EDN1: variants seen among roughly 807,000 people sequenced by gnomAD.
The protein encoded by EDN1 is endothelin 1.
EDN1 carries 11 observed loss-of-function variants against 21.7 expected under a neutral mutation model. That is an observed-to-expected ratio of 0.51 (90% CI 0.32 to 0.84). EDN1 has a LOEUF of 0.84. EDN1 is among the 40% of genes least tolerant of loss of function. The probability of loss-of-function intolerance (pLI) is 0.03; values close to 1 mark genes in which losing one functional copy is unlikely to be tolerated. For synonymous variants in EDN1, 85 were observed against 90.6 expected, an observed-to-expected ratio of 0.94 and a Z score of 0.35; for missense variants, 244 against 262.3, an observed-to-expected ratio of 0.93 and a Z score of 0.48.
chr6:12,293,566 T>G (rs976946060), intron 2 of EDN1, among the ~76,000 whole-genome samples: 11 of 152,346 alleles, frequency 7.2e-5, no homozygotes, highest in African/African-American at 2.2e-4. Context: ...CTCTTCCCAC[T>G]GTGTACCCAC....
At chr6:12,240,452 G>A in the EDN1 span, among the ~76,000 whole-genome samples, 1 of 152,204 alleles carries the variant, frequency 6.6e-6, no homozygotes, top group Non-Finnish European at 1.5e-5. Flanking sequence ...ATTTTTCTGA[G>A]TGGGAGAAAT....
the EDN1 span, among the ~76,000 whole-genome samples, chr6:12,262,225 G>T: frequency 3.9e-5 from 6 of 152,306 alleles, no homozygotes; most frequent in East Asian, 1.2e-3. Context: ...AGATGGATTT[G>T]GAATTATCTG....
At chr6:12,273,307 C>T in the EDN1 span, among the ~76,000 whole-genome samples, 69,327 of 151,932 alleles carry the variant, frequency 0.46, 17,248 homozygotes, top group Non-Finnish European at 0.56. Context: ...TTCATGGAAC[C>T]GCAGGTAGGT....
the EDN1 span, among the ~76,000 whole-genome samples, chr6:12,249,593 C>T: frequency 3.3e-5 from 5 of 151,160 alleles, no homozygotes; most frequent in African/African-American, 1.2e-4. Flanking sequence ...CTGAGCCCAG[C>T]AACACAGCTC....
At chr6:12,257,202 A>C in the EDN1 span, among the ~76,000 whole-genome samples, 1 of 152,232 alleles carries the variant, frequency 6.6e-6, no homozygotes, top group Non-Finnish European at 1.5e-5. Flanking sequence ...ATGCAAACTG[A>C]CAATTGAAGC....
At chr6:12,292,242 G>T in intron 1 of EDN1, 99 bp from the exon 2 acceptor site, 1 of 1,545,118 alleles carries the variant, frequency 6.5e-7, no homozygotes, top group Non-Finnish European at 8.9e-7. Context: ...TGCTTCATCT[G>T]CTTTTATCTG....
In EDN1 at chr6:12,292,436, T is replaced by C. The variant is rs1284924294; in HGVS notation, c.160T>C (p.Ser54Pro). The stretch of plus-strand genomic sequence containing the variant: ...GCGGCTCCGCCGGTCCAAGCGCTGC[T>C]CCTGCTCGTCCCTGATGGATAAAGA... ...PWRLRRSKRC[S>P]CSSLMDKECV... Residue 54 changes from serine to proline, a missense_variant, in exon 2 of 5, where the codon TCC becomes CCC. Coordinates refer to ENST00000379375, the MANE Select transcript of EDN1 (RefSeq NM_001955.5). The C allele has an allele frequency of 6.2e-7, 1 of 1,614,226 alleles. No individual in the cohort carries two copies. The highest frequency in any genetic ancestry group is 8.5e-7 in the Non-Finnish European group (1 of 1,180,044).
chr6:12,281,858 T>C, the EDN1 span, among the ~76,000 whole-genome samples: 1 of 152,200 alleles, frequency 6.6e-6, no homozygotes, highest in Non-Finnish European at 1.5e-5. Context: ...GAGAATTTAT[T>C]ACTTATTGAT....
At chr6:12,283,627 T>C in the EDN1 span, among the ~76,000 whole-genome samples, 6 of 152,228 alleles carry the variant, frequency 3.9e-5, no homozygotes, top group Non-Finnish European at 8.8e-5. Context: ...CTTCCTTTCC[T>C]TTTAGGGACT....
chr6:12,276,279 A>AT, the EDN1 span, among the ~76,000 whole-genome samples: 1 of 151,790 alleles, frequency 6.6e-6, no homozygotes. Context: ...TCCAGATGGC[A>AT]TTTTCCAGTA....
the EDN1 span, among the ~76,000 whole-genome samples, chr6:12,235,090 T>C: frequency 6.6e-6 from 1 of 152,196 alleles, no homozygotes; most frequent in Admixed American, 6.5e-5. Context: ...AAGGGAGATC[T>C]CGCCCCTGGT....
rs1268527809 is a variant in EDN1 at position 12,292,769 on chromosome 6, G to C, written c.233+260G>C. ...CAGGAGGCCACTGCACGTTTCAAAT[G>C]AGGAACTTTCAGTGAGAGGGCCTCA... On this transcript the variant is annotated intron_variant, in intron 2 of 4. Coordinates refer to ENST00000379375, the MANE Select transcript of EDN1 (RefSeq NM_001955.5). Among the ~76,000 whole-genome samples, 3 of 152,170 alleles carry C rather than the reference G, an allele frequency of 2.0e-5. No individual in the cohort carries two copies. In the East Asian group the frequency reaches 5.8e-4, roughly 29 times the overall value.
At position 12,293,799 on chromosome 6, in the gene EDN1, G is replaced by A; in HGVS notation, c.234-142G>A. 2 of 919,104 alleles carry A rather than the reference G, an allele frequency of 2.2e-6. 1 individual carries two copies. The highest frequency in any genetic ancestry group is 3.1e-5 in the South Asian group (2 of 63,652). The allele number at this position is 919,104 out of a possible 1,614,324, so 56.9% of individuals were successfully genotyped here. A position where few individuals can be genotyped will look rare whatever the true frequency, so the allele number is the denominator to read the frequency against. ...TGATGCACAGGTGTTCCTGGCTGTT[G>A]TTACACTTTACCCTCTGAAATGATG... is the stretch of plus-strand genomic sequence containing the variant. On this transcript the variant is annotated intron_variant, in intron 2 of 4. Coordinates refer to ENST00000379375, the MANE Select transcript of EDN1 (RefSeq NM_001955.5).
the EDN1 span, among the ~76,000 whole-genome samples, chr6:12,242,069 T>C: frequency 6.6e-6 from 1 of 152,316 alleles, no homozygotes; most frequent in South Asian, 2.1e-4. Flanking sequence ...TTTGAAAGAA[T>C]TTCCTCAACA....
At chr6:12,255,413 A>G in the EDN1 span, among the ~76,000 whole-genome samples, 1 of 152,238 alleles carries the variant, frequency 6.6e-6, no homozygotes, top group African/African-American at 2.4e-5. Flanking sequence ...TAGAAAACTT[A>G]AACACAAATG....
chr6:12,251,676 A>T, the EDN1 span, among the ~76,000 whole-genome samples: 1 of 152,186 alleles, frequency 6.6e-6, no homozygotes, highest in African/African-American at 2.4e-5. Flanking sequence ...ATCTTTTCGA[A>T]CCGATACGGC....
the EDN1 span, among the ~76,000 whole-genome samples, chr6:12,265,790 A>G: frequency 6.6e-6 from 1 of 152,234 alleles, no homozygotes; most frequent in Non-Finnish European, 1.5e-5. Flanking sequence ...ATTTTTTACC[A>G]GTCCTAAATG....
At chr6:12,239,772 G>C in the EDN1 span, among the ~76,000 whole-genome samples, 1 of 152,046 alleles carries the variant, frequency 6.6e-6, no homozygotes, top group Non-Finnish European at 1.5e-5. Context: ...AGCTGGGCAT[G>C]GTGGTGTGTG....
intron 1 of EDN1, 148 bp downstream of exon 1, chr6:12,290,841 A>G: frequency 1.3e-6 from 1 of 748,720 alleles, no homozygotes; most frequent in East Asian, 2.7e-5. Context: ...GCTGAAAGCT[A>G]CTTTAAGTCT....
Sources: gnomAD v4.1 joint callset for allele counts (sites outside exome capture counted in the v4.1 genomes callset) on GRCh38, gnomAD v4.1.1 for gene constraint, MANE v1.5 for transcripts, NCBI Gene and HGNC (gene_info 2026-07-23, HGNC 2026-07-21) for gene names.